The following ST3GAL3 variants were observed in gnomAD, a reference collection of about 807,000 sequenced individuals.
ST3GAL3 encodes CMP-N-acetylneuraminate-beta-1,4-galactoside alpha-2,3-sialyltransferase.
ST3GAL3 carries 21 observed loss-of-function variants against 50.1 expected under a neutral mutation model. The ratio of observed to expected loss-of-function variants is 0.42; its 90% CI spans 0.30 to 0.60. ST3GAL3 has a LOEUF of 0.60. ST3GAL3 is among the 20% of genes least tolerant of loss of function. The probability of loss-of-function intolerance (pLI) is 0.19; values close to 1 mark genes in which losing one functional copy is unlikely to be tolerated. For missense variants in ST3GAL3, 353 were observed against 489.4 expected (o/e 0.72, Z 2.63); for synonymous variants, 183 against 190.0 (o/e 0.96, Z 0.30).
intron 1 of ST3GAL3, among the ~76,000 whole-genome samples, chr1:43,723,085 A>G (rs1366777171): frequency 2.7e-5 from 4 of 150,238 alleles, no homozygotes. Flanking sequence ...TTAAGAGGGT[A>G]GCAACCCTCC....
At position 43,899,041 on chromosome 1, in the gene ST3GAL3, C is replaced by T. The variant is rs893369791; in HGVS notation, c.462-127C>T. 2.0e-5 allele frequency: 27 copies of T among 1,318,520 alleles called. No individual in the cohort carries two copies. In the East Asian group the frequency reaches 5.2e-4, roughly 26 times the overall value. The allele number at this position is 1,318,520 out of a possible 1,614,324, so 81.7% of individuals were successfully genotyped here. On this transcript the variant is annotated intron_variant, in intron 7 of 11. Coordinates refer to ENST00000347631, the MANE Select transcript of ST3GAL3 (RefSeq NM_006279.5). The surrounding 1 kb of genome is among the most constrained non-coding windows in gnomAD (Gnocchi z 5.4). ...TTCTCTCAGAAATGCTGCCAGAAGCCCATTGGTCTTCTTCCTCTATCCCAG... is the reference window on the plus strand; with the variant it reads ...TTCTCTCAGAAATGCTGCCAGAAGCTCATTGGTCTTCTTCCTCTATCCCAG...
At chr1:43,730,537 TTTC>T (rs373320935) in intron 1 of ST3GAL3, among the ~76,000 whole-genome samples, 1 of 86,824 alleles carries the variant, frequency 1.2e-5, no homozygotes. Flanking sequence ...CTGATTTCTT[TTTC>T]TTTTCTTTTT....
chr1:43,833,297 T>C (rs2063794202), intron 4 of ST3GAL3, among the ~76,000 whole-genome samples: 1 of 152,200 alleles, frequency 6.6e-6, no homozygotes, highest in Admixed American at 6.5e-5. Context: ...TGGGTACTTG[T>C]ATATTCTGTG....
intron 2 of ST3GAL3, among the ~76,000 whole-genome samples, chr1:43,776,110 C>T (rs1049230266): frequency 1.3e-5 from 2 of 152,180 alleles, no homozygotes; most frequent in African/African-American, 4.8e-5. Context: ...ATCCACAGAG[C>T]CGTGCTAACA....
intron 5 of ST3GAL3, among the ~76,000 whole-genome samples, chr1:43,854,554 C>T (rs1013749393): frequency 1.3e-5 from 2 of 151,986 alleles, no homozygotes; most frequent in Admixed American, 6.6e-5. Context: ...TCGGTTATAG[C>T]TCTCCTCTCT....
At chr1:43,910,582 C>T (rs914693781) in intron 9 of ST3GAL3, among the ~76,000 whole-genome samples, 4 of 152,198 alleles carry the variant, frequency 2.6e-5, no homozygotes, top group Non-Finnish European at 4.4e-5. Flanking sequence ...GCCCACTGGG[C>T]AGAAACCCAG....
At chr1:43,736,636 A>T (rs932451480) in intron 2 of ST3GAL3, 34 of 597,598 alleles carry the variant, frequency 5.7e-5, no homozygotes, top group Non-Finnish European at 9.2e-5. Flanking sequence ...TTCTTCAATA[A>T]AAACCCAAAC....
At chr1:43,775,633 C>T (rs995064998) in intron 2 of ST3GAL3, among the ~76,000 whole-genome samples, 3 of 152,214 alleles carry the variant, frequency 2.0e-5, no homozygotes, top group African/African-American at 7.2e-5. Flanking sequence ...ATCTGTGAGC[C>T]TCCAGTTTAC....
chr1:43,778,203 C>T (rs1443903920), intron 2 of ST3GAL3, among the ~76,000 whole-genome samples: 1 of 152,162 alleles, frequency 6.6e-6, no homozygotes, highest in South Asian at 2.1e-4. Context: ...CGTATGTTCT[C>T]ATTTACAAGT....
intron 2 of ST3GAL3, among the ~76,000 whole-genome samples, chr1:43,777,653 G>T (rs1477021552): frequency 1.3e-5 from 2 of 152,120 alleles, no homozygotes; most frequent in Non-Finnish European, 2.9e-5. Context: ...CTATAAAAAT[G>T]CTAGAAGAAA....
chr1:43,707,561 C>A lies in ST3GAL3; in HGVS notation c.-163C>A, dbSNP rs1661906296. On this transcript the variant is annotated 5_prime_UTR_variant, in exon 1 of 12. Coordinates refer to ENST00000347631, the MANE Select transcript of ST3GAL3 (RefSeq NM_006279.5). ...GCTGCGTCCCCACTATGGCGGCGCC[C>A]ATGCAGCCCAGCGCGTTGTGGGCTC... 6.6e-6 allele frequency: 1 copy of A among 151,816 alleles called. No individual in the cohort carries two copies. Among genetic ancestry groups the A allele is most frequent in the African/African-American group, 2.4e-5 (1 of 41,390 alleles). The allele number at this position is 151,816 out of a possible 1,614,324, so 9.4% of individuals were successfully genotyped here.
At chr1:43,727,538 A>AATC (rs1673535951) in intron 1 of ST3GAL3, among the ~76,000 whole-genome samples, 2 of 152,218 alleles carry the variant, frequency 1.3e-5, no homozygotes. Context: ...TGATCTGAAG[A>AATC]ATCAGTAGAA....
At chr1:43,753,382 G>A (rs764983166) in intron 2 of ST3GAL3, among the ~76,000 whole-genome samples, 3 of 152,194 alleles carry the variant, frequency 2.0e-5, no homozygotes, top group Non-Finnish European at 2.9e-5. Context: ...TGGGTTTCTA[G>A]TAACTTAAGT....
chr1:43,838,730 G>A (rs1006890223), intron 5 of ST3GAL3: 1 of 276,100 alleles, frequency 3.6e-6, no homozygotes, highest in Non-Finnish European at 7.2e-6. Flanking sequence ...AGAAATTTCT[G>A]AGGCTGTCTT....
At chr1:43,788,204 T>A (rs2057590069) in intron 2 of ST3GAL3, among the ~76,000 whole-genome samples, 1 of 152,254 alleles carries the variant, frequency 6.6e-6, no homozygotes, top group African/African-American at 2.4e-5. Context: ...TAATTAGTTT[T>A]AGTCTTTTAG....
At chr1:43,759,063 GCGCACACACACACACACACA>G (rs1174841969) in intron 2 of ST3GAL3, among the ~76,000 whole-genome samples, 5 of 132,434 alleles carry the variant, frequency 3.8e-5, no homozygotes, top group African/African-American at 1.6e-4. Context: ...ACAAAAGCGC[GCGCACACACACACACACACA>G]CACACACACA....
chr1:43,798,015 A>G (rs1205465986), intron 3 of ST3GAL3, among the ~76,000 whole-genome samples: 1 of 152,244 alleles, frequency 6.6e-6, no homozygotes, highest in Non-Finnish European at 1.5e-5. Context: ...AAATGCTTAT[A>G]TATAAATCTG....
chr1:43,855,190 G>A (rs1260031894), intron 5 of ST3GAL3, among the ~76,000 whole-genome samples: 2 of 152,056 alleles, frequency 1.3e-5, no homozygotes, highest in South Asian at 2.1e-4. Flanking sequence ...AAAGTGTCAC[G>A]CCATTTTTAG....
intron 2 of ST3GAL3, among the ~76,000 whole-genome samples, chr1:43,761,819 T>C (rs1443989326): frequency 2.0e-5 from 3 of 150,934 alleles, no homozygotes; most frequent in South Asian, 2.1e-4. Flanking sequence ...GGCATGGTGG[T>C]GGGCGCCTGT....
Sources: gnomAD v4.1 joint callset for allele counts (sites outside exome capture counted in the v4.1 genomes callset) on GRCh38, gnomAD v4.1.1 for gene constraint, Gnocchi (gnomAD v3.1) non-coding constraint, MANE v1.5 for transcripts, NCBI Gene and HGNC (gene_info 2026-07-23, HGNC 2026-07-21) for gene names.